PCBP3: variants seen among roughly 807,000 people sequenced by gnomAD.
PCBP3 encodes the protein poly(rC)-binding protein 3.
A neutral mutation model predicts 52.7 loss-of-function variants in PCBP3; 25 were observed. That is an observed-to-expected ratio of 0.47 (90% CI 0.35 to 0.66). PCBP3 has a LOEUF of 0.66. PCBP3 is among the 30% of genes least tolerant of loss of function. The pLI is 0.01. For missense variants in PCBP3, 391 were observed against 490.3 expected (o/e 0.80, Z 1.91); for synonymous variants, 162 against 183.0 (o/e 0.89, Z 0.93).
chr21:45,742,117 C>T (rs997999842), intron 3 of PCBP3, among the ~76,000 whole-genome samples: 12 of 151,998 alleles, frequency 7.9e-5, no homozygotes, highest in African/African-American at 2.9e-4. Flanking sequence ...TTTATTTTTT[C>T]TGATTTTCCA....
At chr21:45,716,032 G>A (rs2084195808) in intron 2 of PCBP3, among the ~76,000 whole-genome samples, 1 of 151,932 alleles carries the variant, frequency 6.6e-6, no homozygotes, top group Non-Finnish European at 1.5e-5. Context: ...TCATATCTAG[G>A]AAACCACTGC....
chr21:45,696,796 A>G (rs537991528), intron 2 of PCBP3, among the ~76,000 whole-genome samples: 26 of 152,192 alleles, frequency 1.7e-4, no homozygotes, highest in South Asian at 1.2e-3. Context: ...TCTCAAGAAA[A>G]AAAAAAAAGG....
chr21:45,676,518 ATC>A (rs2081476325), intron 2 of PCBP3, among the ~76,000 whole-genome samples: 1 of 152,052 alleles, frequency 6.6e-6, no homozygotes. Context: ...TTATTATTAT[ATC>A]TGTTATGGTT....
At chr21:45,818,211 CG>C (rs567105498) in intron 4 of PCBP3, among the ~76,000 whole-genome samples, 259 of 152,106 alleles carry the variant, frequency 1.7e-3, no homozygotes, top group African/African-American at 6.1e-3. Flanking sequence ...TTAATAGAGA[CG>C]GGGTTTCACC....
At chr21:45,725,267 A>C (rs953207827) in intron 2 of PCBP3, among the ~76,000 whole-genome samples, 2 of 152,212 alleles carry the variant, frequency 1.3e-5, no homozygotes, top group African/African-American at 4.8e-5. Context: ...ACCTCTGAGC[A>C]GATGACCTCT....
At chr21:45,739,126 C>G (rs1485536830) in intron 3 of PCBP3, among the ~76,000 whole-genome samples, 1 of 140,664 alleles carries the variant, frequency 7.1e-6, no homozygotes. Context: ...GTGGCCCCCC[C>G]ATCTTCATCA....
chr21:45,706,402 A>G (rs940521178), intron 2 of PCBP3, among the ~76,000 whole-genome samples: 33 of 152,070 alleles, frequency 2.2e-4, no homozygotes, highest in Admixed American at 1.9e-3. Context: ...GGGGTGTGAC[A>G]GGAGCTCACT....
intron 4 of PCBP3, among the ~76,000 whole-genome samples, chr21:45,806,224 C>A (rs1291137950): frequency 2.6e-5 from 4 of 152,198 alleles, no homozygotes; most frequent in Non-Finnish European, 5.9e-5. Flanking sequence ...GCTGTACTCC[C>A]GTGCTGGATG....
intron 4 of PCBP3, among the ~76,000 whole-genome samples, chr21:45,756,989 T>A (rs2088115300): frequency 6.6e-6 from 1 of 152,250 alleles, no homozygotes; most frequent in East Asian, 1.9e-4. Context: ...TCTACAAACA[T>A]TCCTGTACAA....
At chr21:45,777,090 T>C (rs1010213501) in intron 4 of PCBP3, among the ~76,000 whole-genome samples, 2 of 152,236 alleles carry the variant, frequency 1.3e-5, no homozygotes, top group Admixed American at 1.3e-4. Context: ...GCATTTCGTG[T>C]AGGGATGATG....
At chr21:45,716,883 G>T (rs1340625780) in intron 2 of PCBP3, among the ~76,000 whole-genome samples, 1 of 152,104 alleles carries the variant, frequency 6.6e-6, no homozygotes, top group Non-Finnish European at 1.5e-5. Flanking sequence ...GAATCAGCTT[G>T]TCAATTTCTG....
At chr21:45,806,189 G>A (rs1004897855) in intron 4 of PCBP3, among the ~76,000 whole-genome samples, 1 of 152,238 alleles carries the variant, frequency 6.6e-6, no homozygotes, top group South Asian at 2.1e-4. Context: ...AATCACCCTC[G>A]TGGCAGGCTT....
chr21:45,847,887 T>G (rs1247650582), intron 4 of PCBP3, among the ~76,000 whole-genome samples: 1 of 152,224 alleles, frequency 6.6e-6, no homozygotes, highest in Non-Finnish European at 1.5e-5. Flanking sequence ...TTTTAAGTAT[T>G]AGGTCTGTTT....
intron 2 of PCBP3, among the ~76,000 whole-genome samples, chr21:45,702,818 T>C (rs2083213817): frequency 6.6e-6 from 1 of 152,270 alleles, no homozygotes; most frequent in Non-Finnish European, 1.5e-5. Context: ...TGCTGTTTGA[T>C]AGCCTTTCAC....
chr21:45,658,136 A>G (rs182292345), intron 1 of PCBP3, among the ~76,000 whole-genome samples: 196 of 152,272 alleles, frequency 1.3e-3, no homozygotes, highest in African/African-American at 4.6e-3. Context: ...ATGTTGTCAG[A>G]TGCTTTTCCT....
chr21:45,644,334 G>T (rs2079114969), intron 1 of PCBP3, among the ~76,000 whole-genome samples: 1 of 151,762 alleles, frequency 6.6e-6, no homozygotes, highest in African/African-American at 2.4e-5. Flanking sequence ...GCCGCCGGGA[G>T]AGCGCGGCCT....
intron 4 of PCBP3, among the ~76,000 whole-genome samples, chr21:45,804,621 G>A (rs1400491334): frequency 6.6e-6 from 1 of 152,098 alleles, no homozygotes; most frequent in African/African-American, 2.4e-5. Flanking sequence ...GTCCTTACCA[G>A]GACTGCTGCT....
intron 4 of PCBP3, among the ~76,000 whole-genome samples, chr21:45,818,449 C>G (rs1000811270): frequency 6.6e-6 from 1 of 152,172 alleles, no homozygotes; most frequent in African/African-American, 2.4e-5. Flanking sequence ...TCCACTGCCC[C>G]CATGCGCTTC....
At chr21:45,698,557 A>T (rs935465553) in intron 2 of PCBP3, among the ~76,000 whole-genome samples, 1 of 152,248 alleles carries the variant, frequency 6.6e-6, no homozygotes, top group Non-Finnish European at 1.5e-5. Flanking sequence ...AGAGGAAAAG[A>T]AAGAGCAGTC....
Sources: allele counts gnomAD v4.1 joint callset (sites outside exome capture counted in the v4.1 genomes callset), GRCh38; gene constraint gnomAD v4.1.1; transcripts MANE v1.5; gene names NCBI Gene and HGNC (gene_info 2026-07-23, HGNC 2026-07-21).